Variants in ANKRD27 observed in about 807,000 individuals in gnomAD.
ANKRD27 encodes ankyrin repeat domain 27.
Under a neutral mutation model 129.7 loss-of-function variants are expected in ANKRD27, and 112 were observed. The ratio of observed to expected loss-of-function variants is 0.86; its 90% confidence interval spans 0.74 to 1.01. The LOEUF is 1.01. ANKRD27 is among the 50% of genes least tolerant of loss of function. The pLI is 0.00. For synonymous variants in ANKRD27, 516 were observed against 511.2 expected (o/e 1.01, Z -0.13); for missense variants, 1,258 against 1,300.5 (o/e 0.97, Z 0.50).
At chr19:32,605,726 G>C (rs1027729402) in intron 24 of ANKRD27, 109 bp downstream of exon 24, 4 of 1,458,754 alleles carry the variant, frequency 2.7e-6, no homozygotes, top group Non-Finnish European at 3.7e-6. Context: ...GCCTGGGGTT[G>C]ATGGGTGGCC....
rs59706627 is a variant in ANKRD27 at position 32,607,680 on chromosome 19, G to A, written c.2328C>T (p.Asp776=). The A allele has an allele frequency of 4.9e-4, 798 of 1,612,478 alleles. 5 individuals are homozygous for A. In the African/African-American group the frequency reaches 9.5e-3, roughly 19 times the overall value. ...HGANAGARNA[D]QAVPLHLACQ... ...AGGCCAGGTGGAGCGGGACGGCTTG[G>A]TCTGCGTTCCTGGCACCTGCGTTGG... is the stretch of plus-strand genomic sequence containing the variant. The change falls in exon 23 of 29, where the codon GAC becomes GAT. Residue 776 remains aspartate (D), a synonymous_variant. Transcript: ENST00000306065.
chr19:32,630,978 C>A (rs1966981709), intron 13 of ANKRD27, among the ~76,000 whole-genome samples: 1 of 151,890 alleles, frequency 6.6e-6, no homozygotes, highest in African/African-American at 2.4e-5. Context: ...CCATTCTGAG[C>A]ACAGAATGGA....
At chr19:32,657,461 CA>C (rs397859964) in intron 2 of ANKRD27, among the ~76,000 whole-genome samples, 5,336 of 98,154 alleles carry the variant, frequency 0.054, 124 homozygotes, top group East Asian at 0.15. Flanking sequence ...GGCTCTGTCT[CA>C]AAAAAAAAAA....
Position 32,643,426 on chromosome 19 carries a change from C to T in ANKRD27, c.639+5G>A, listed in dbSNP as rs1405717851. On this transcript the variant is annotated splice_donor_5th_base_variant and intron_variant, in intron 7 of 28. Transcript: ENST00000306065. The stretch of plus-strand genomic sequence containing the variant: ...TGCCTCCCAGCCACTCCGCCCCACC[C>T]TCACCTCCACTGCCTGCTTCATCAG... 1 of 1,613,756 alleles carries T rather than the reference C, an allele frequency of 6.2e-7. No homozygotes were observed. The highest frequency in any genetic ancestry group is 8.5e-7 in the Non-Finnish European group (1 of 1,180,030).
chr19:32,651,753 C>T (rs147047069), intron 2 of ANKRD27, among the ~76,000 whole-genome samples: 221 of 152,234 alleles, frequency 1.5e-3, no homozygotes, highest in Non-Finnish European at 2.7e-3. Flanking sequence ...TCACCTTCTC[C>T]GCCTCCCTGA....
chr19:32,640,255 G>A, intron 11 of ANKRD27, 52 bp downstream of exon 11: 3 of 1,494,756 alleles, frequency 2.0e-6, no homozygotes, highest in Non-Finnish European at 2.8e-6. Flanking sequence ...GAGCCACCGT[G>A]CCCGGCCAAG....
rs2145301135 is a variant in ANKRD27 at position 32,643,143 on chromosome 19, A to G, written c.762T>C (p.Ile254=). The G allele has an allele frequency of 6.2e-7, 1 of 1,613,878 alleles. No homozygotes were observed. Residue 254 remains isoleucine (I), a synonymous_variant, in exon 9 of 29, where the codon ATT becomes ATC. Coordinates refer to ENST00000306065, the MANE Select transcript of ANKRD27 (RefSeq NM_032139.3). ...CTTACCTGAACTCCGGTTTCACACC[A>G]ATATCTTTCTGCTGAAGATCTTGAA... ...RSLQDLQQKD[I]GVKPEFSFNI...
intron 1 of ANKRD27, among the ~76,000 whole-genome samples, chr19:32,663,765 A>G (rs1458950694): frequency 6.6e-6 from 1 of 152,054 alleles, no homozygotes; most frequent in Non-Finnish European, 1.5e-5. Flanking sequence ...ACATTAAAAA[A>G]GAAATAGGGG....
At chr19:32,673,474 G>A (rs758985532) in intron 1 of ANKRD27, 31 of 985,126 alleles carry the variant, frequency 3.1e-5, no homozygotes, top group Non-Finnish European at 3.7e-5. Flanking sequence ...TCCCCACCAG[G>A]TGAGCCCTCA....
chr19:32,606,166 TTTTC>T (rs1971732699), intron 23 of ANKRD27, among the ~76,000 whole-genome samples: 1 of 149,202 alleles, frequency 6.7e-6, no homozygotes, highest in Admixed American at 6.7e-5. Flanking sequence ...TTTTTTTTTT[TTTTC>T]CAGACAGAGT....
At chr19:32,648,966 TTG>T (rs1227352426) in intron 3 of ANKRD27, among the ~76,000 whole-genome samples, 4 of 105,228 alleles carry the variant, frequency 3.8e-5, no homozygotes, top group African/African-American at 8.0e-5. Flanking sequence ...TTTTTTGGGT[TTG>T]TTTTTTTTTT....
chr19:32,615,676 C>G lies in ANKRD27; in HGVS notation c.2157G>C (p.Lys719Asn). 1 of 1,614,238 alleles carries G rather than the reference C, an allele frequency of 6.2e-7. No individual in the cohort carries two copies. The highest frequency in any genetic ancestry group is 8.5e-7 in the Non-Finnish European group (1 of 1,180,052). ...EFCHPLCQCP[K>N]CAPAQKRLAK... ...GCCAAACCTTCTGAGCTGGGGCACA[C>G]TTGGGGCACTGGCACAACGGGTGAC... Residue 719 changes from lysine to asparagine, a missense_variant, in exon 22 of 29, where the codon AAG becomes AAC. Physicochemically the swap from Lys to Asn is moderately conservative, Grantham distance 94 (BLOSUM62 0). Coordinates refer to ENST00000306065, the MANE Select transcript of ANKRD27 (RefSeq NM_032139.3).
Position 32,646,451 on chromosome 19 carries a change from C to G in ANKRD27, c.370+8G>C. 1 of 1,588,810 alleles carries G rather than the reference C, an allele frequency of 6.3e-7. No homozygotes were observed. Among genetic ancestry groups the G allele is most frequent in the Non-Finnish European group, 8.5e-7 (1 of 1,170,338 alleles). On this transcript the variant is annotated splice_region_variant and intron_variant, in intron 4 of 28. Coordinates refer to ENST00000306065, the MANE Select transcript of ANKRD27 (RefSeq NM_032139.3). ...AACAGGAGAAAAAGGTTTTTTCTCC[C>G]AGAATACCTGAACTCTCTCTCTTTT...
rs1966895476 is a variant in ANKRD27, at chr19:32,626,926, G to A, written c.1421-99C>T. 6.7e-6 allele frequency: 5 copies of A among 743,488 alleles called. No homozygotes were observed. The South Asian group carries it at 9.5e-5, about 14-fold the overall frequency. The allele number at this position is 743,488 out of a possible 1,614,324, so 46.1% of individuals were successfully genotyped here. A position where few individuals can be genotyped will look rare whatever the true frequency, so the allele number is the denominator to read the frequency against. On this transcript the variant is annotated intron_variant, in intron 15 of 28. Coordinates refer to ENST00000306065, the MANE Select transcript of ANKRD27 (RefSeq NM_032139.3). The stretch of plus-strand genomic sequence containing the variant: ...ACACTATTGCACCCTCCTAGTCCTG[G>A]GCATGAAACCCACGGTAGATACTTT...
At position 32,644,459 on chromosome 19, in the gene ANKRD27, C is replaced by G; in HGVS notation, c.391G>C (p.Asp131His). 24 of 1,613,860 alleles carry G rather than the reference C, an allele frequency of 1.5e-5. No individual in the cohort carries two copies. Among genetic ancestry groups the G allele is most frequent in the Non-Finnish European group, 1.9e-5 (23 of 1,179,852 alleles). The change falls in exon 5 of 29, where the codon GAT becomes CAT. Residue 131 changes from aspartate (D) to histidine (H), a missense_variant. Physicochemically the swap from Asp to His is moderately conservative, Grantham distance 81 (BLOSUM62 -1). Coordinates refer to ENST00000306065, the MANE Select transcript of ANKRD27 (RefSeq NM_032139.3). ...ESSEEPLAPS[D>H]PFSLKTIEDV... is the part of the protein sequence containing the mutation. ...TCAATGGTTTTCAGGGAAAAGGGAT[C>G]TGAGGGTGCCAAAGGCTCTTCTGAA...
At position 32,626,894 on chromosome 19, in the gene ANKRD27, A is replaced by G. The variant is rs531541880; in HGVS notation, c.1421-67T>C. 159 of 1,093,180 alleles carry G rather than the reference A, an allele frequency of 1.5e-4. 1 individual carries two copies. In the African/African-American group the frequency reaches 2.2e-3, roughly 15 times the overall value. The allele number at this position is 1,093,180 out of a possible 1,614,324, so 67.7% of individuals were successfully genotyped here. On this transcript the variant is annotated intron_variant, in intron 15 of 28. Transcript: ENST00000306065. ...GAGGCCTTCCACACCTTAACTGTAAAACCACAACACTATTGCACCCTCCTA... is the reference window on the plus strand; with the variant it reads ...GAGGCCTTCCACACCTTAACTGTAAGACCACAACACTATTGCACCCTCCTA...
At chr19:32,601,332 C>T (rs1485190642) in intron 26 of ANKRD27, among the ~76,000 whole-genome samples, 1 of 150,752 alleles carries the variant, frequency 6.6e-6, no homozygotes, top group East Asian at 2.0e-4. Context: ...CTTGGTGGCT[C>T]ACACCTGTAA....
intron 2 of ANKRD27, among the ~76,000 whole-genome samples, chr19:32,657,246 G>A (rs577773977): frequency 1.8e-4 from 27 of 151,568 alleles, no homozygotes; most frequent in African/African-American, 6.3e-4. Flanking sequence ...GGTGGATCAC[G>A]AGGTCAGGAG....
chr19:32,605,007 G>A (rs1044124778), intron 24 of ANKRD27, among the ~76,000 whole-genome samples: 1 of 152,210 alleles, frequency 6.6e-6, no homozygotes, highest in Non-Finnish European at 1.5e-5. Context: ...CGGAGGCAGA[G>A]GTTGCAGTGA....
Sources: allele counts gnomAD v4.1 joint callset (sites outside exome capture counted in the v4.1 genomes callset), GRCh38; gene constraint gnomAD v4.1.1; transcripts MANE v1.5; gene names NCBI Gene and HGNC (gene_info 2026-07-23, HGNC 2026-07-21).